The following DCC variants were observed in gnomAD, a reference collection of about 807,000 sequenced individuals.
DCC encodes the protein netrin receptor DCC.
Under a neutral mutation model 172.5 loss-of-function variants are expected in DCC, and 58 were observed. That is an observed-to-expected ratio of 0.34 (90% CI 0.27 to 0.42). The LOEUF (loss-of-function observed/expected upper bound fraction) is 0.42. Ranked by LOEUF, DCC falls within the 10% of genes least tolerant of loss-of-function variation. The pLI is 1.00. For synonymous variants in DCC, 709 were observed against 644.5 expected (o/e 1.10, Z -1.52); for missense variants, 1,740 against 1,791.0 (o/e 0.97, Z 0.51).
At chr18:52,355,661 A>G (rs1184874743) in intron 1 of DCC, among the ~76,000 whole-genome samples, 1 of 152,226 alleles carries the variant, frequency 6.6e-6, no homozygotes, top group Non-Finnish European at 1.5e-5. Context: ...TAAACAGCAT[A>G]TAAACACACT....
chr18:53,521,155 C>T (rs1004005690), intron 27 of DCC, among the ~76,000 whole-genome samples: 3 of 152,122 alleles, frequency 2.0e-5, no homozygotes, highest in African/African-American at 4.8e-5. Context: ...GGTTTAAACA[C>T]TCTGTGCGGT....
chr18:52,604,967 T>C (rs940043237), intron 1 of DCC, among the ~76,000 whole-genome samples: 1 of 152,096 alleles, frequency 6.6e-6, no homozygotes, highest in Non-Finnish European at 1.5e-5. Context: ...ATATATTTAA[T>C]GCACACTCAT....
chr18:52,490,506 A>T (rs1455168742), intron 1 of DCC, among the ~76,000 whole-genome samples: 8 of 152,074 alleles, frequency 5.3e-5, no homozygotes, highest in Admixed American at 5.3e-4. Flanking sequence ...AAGACAAATA[A>T]AATAGCTGGT....
chr18:52,962,016 C>T (rs34177906), intron 5 of DCC, among the ~76,000 whole-genome samples: 32,743 of 151,892 alleles, frequency 0.22, 3,797 homozygotes, highest in South Asian at 0.41. Flanking sequence ...TAGAAGAAAC[C>T]CTAGGCAATA....
chr18:53,498,484 T>C lies in DCC; in HGVS notation c.3899-814T>C, dbSNP rs141232791. On this transcript the variant is annotated intron_variant, in intron 26 of 28. Transcript: ENST00000442544. ...GTTAACTTTGAATATGAATGAATAG[T>C]TCAAGTTCAATCACTGTGTCATTAA... Among the ~76,000 whole-genome samples, 688 of 151,382 alleles carry C rather than the reference T, an allele frequency of 4.5e-3. 12 individuals are homozygous for C. Among genetic ancestry groups the C allele is most frequent in the Middle Eastern group, 0.014 (4 of 294 alleles).
At chr18:52,901,643 A>G (rs1320819035) in intron 2 of DCC, among the ~76,000 whole-genome samples, 2 of 152,114 alleles carry the variant, frequency 1.3e-5, no homozygotes, top group East Asian at 1.9e-4. Flanking sequence ...TTAAATAATG[A>G]AGCGGGGAAG....
intron 1 of DCC, among the ~76,000 whole-genome samples, chr18:52,713,163 A>AG (rs2036322938): frequency 6.6e-6 from 1 of 152,212 alleles, no homozygotes; most frequent in South Asian, 2.1e-4. Flanking sequence ...CAGCTTCTCT[A>AG]GGTCAGTTCT....
intron 1 of DCC, among the ~76,000 whole-genome samples, chr18:52,734,813 T>C (rs576074514): frequency 2.6e-4 from 40 of 152,306 alleles, no homozygotes; most frequent in African/African-American, 8.9e-4. Context: ...TATTCAGCAC[T>C]GCTAAACCCA....
At position 53,255,448 on chromosome 18, in the gene DCC, CAGTG is replaced by C. The variant is rs1053305728; in HGVS notation, c.1911+39854_1911+39857del. ...TCCTCATTGTTCACTTCCCACCTAT[CAGTG>C]AGAACATGTGGTGTTTGGTTTTTTG... On this transcript the variant is annotated intron_variant, in intron 12 of 28. Transcript: ENST00000442544. 2.1e-5 allele frequency among the ~76,000 whole-genome samples: 3 copies of C among 145,582 alleles called. No homozygotes were observed. The Admixed American group carries it at 2.1e-4, about 10-fold the overall frequency.
At chr18:52,894,762 G>A (rs2039704234) in intron 2 of DCC, among the ~76,000 whole-genome samples, 1 of 152,054 alleles carries the variant, frequency 6.6e-6, no homozygotes, top group South Asian at 2.1e-4. Context: ...CAAGCAGTCA[G>A]GCAGAAGATG....
intron 2 of DCC, among the ~76,000 whole-genome samples, chr18:52,765,634 G>A (rs2037236943): frequency 6.6e-6 from 1 of 152,014 alleles, no homozygotes; most frequent in Non-Finnish European, 1.5e-5. Flanking sequence ...ATCTTTACAA[G>A]GCTCCTAGAC....
At chr18:53,053,499 A>G (rs116111652) in intron 5 of DCC, among the ~76,000 whole-genome samples, 2,471 of 152,244 alleles carry the variant, frequency 0.016, 74 homozygotes, top group African/African-American at 0.057. Context: ...ATGTGTTATA[A>G]TCTACCATTC....
At chr18:52,383,782 T>A (rs1568143269) in intron 1 of DCC, among the ~76,000 whole-genome samples, 1 of 152,046 alleles carries the variant, frequency 6.6e-6, no homozygotes, top group Non-Finnish European at 1.5e-5. Flanking sequence ...GTGTATGATA[T>A]AACAACATTT....
At chr18:53,367,312 A>G (rs886985374) in intron 15 of DCC, among the ~76,000 whole-genome samples, 6 of 152,186 alleles carry the variant, frequency 3.9e-5, no homozygotes, top group Admixed American at 1.3e-4. Context: ...GAGACGTTCA[A>G]TAAAATAAAA....
At chr18:52,967,666 G>A (rs1444300229) in intron 5 of DCC, among the ~76,000 whole-genome samples, 2 of 151,902 alleles carry the variant, frequency 1.3e-5, no homozygotes, top group Admixed American at 1.3e-4. Context: ...ATTTTCTGTT[G>A]CTTTCTCCTC....
intron 1 of DCC, among the ~76,000 whole-genome samples, chr18:52,694,108 A>T (rs1263224101): frequency 1.3e-5 from 2 of 152,104 alleles, no homozygotes; most frequent in African/African-American, 4.8e-5. Flanking sequence ...TGATATGATG[A>T]GGAGAACACT....
chr18:53,190,076 G>A (rs753236190), intron 9 of DCC, among the ~76,000 whole-genome samples: 14 of 152,152 alleles, frequency 9.2e-5, no homozygotes, highest in South Asian at 8.3e-4. Flanking sequence ...ACAGGCATGC[G>A]CCACCACGCC....
At chr18:53,006,596 G>A (rs1418248786) in intron 5 of DCC, among the ~76,000 whole-genome samples, 1 of 152,184 alleles carries the variant, frequency 6.6e-6, no homozygotes, top group Non-Finnish European at 1.5e-5. Context: ...ATGCTAAACT[G>A]TAGATAGATA....
intron 12 of DCC, among the ~76,000 whole-genome samples, chr18:53,237,738 T>C (rs1304725275): frequency 1.3e-5 from 2 of 152,198 alleles, no homozygotes; most frequent in Non-Finnish European, 2.9e-5. Context: ...ATAATTCCCA[T>C]TGTTTTACAA....
Sources: gnomAD v4.1 joint callset for allele counts (sites outside exome capture counted in the v4.1 genomes callset) on GRCh38, gnomAD v4.1.1 for gene constraint, MANE v1.5 for transcripts, NCBI Gene and HGNC (gene_info 2026-07-23, HGNC 2026-07-21) for gene names.